ABCC3: variants seen among roughly 807,000 people sequenced by gnomAD.
The protein encoded by ABCC3 is ATP binding cassette subfamily C member 3.
ABCC3 carries 121 observed loss-of-function variants against 165.3 expected under a neutral mutation model. The ratio of observed to expected loss-of-function variants is 0.73; its 90% CI spans 0.63 to 0.85. The LOEUF is 0.85. Among genes scored for constraint, ABCC3 ranks in the 40% least tolerant of loss-of-function variants. The pLI, the probability that ABCC3 is intolerant of heterozygous loss-of-function variation, is 0.00. For synonymous variants in ABCC3, 733 were observed against 810.1 expected (o/e 0.90, Z 1.62); for missense variants, 1,869 against 1,964.1 (o/e 0.95, Z 0.92).
rs368086128 is a variant in ABCC3 at position 50,637,322 on chromosome 17, A to G, written c.45+2341A>G. 1.3e-3 allele frequency among the ~76,000 whole-genome samples: 195 copies of G among 152,132 alleles called. 1 individual carries two copies. The highest frequency in any genetic ancestry group is 4.3e-3 in the African/African-American group (180 of 41,486). On this transcript the variant is annotated intron_variant, in intron 1 of 30. Coordinates refer to ENST00000285238, the MANE Select transcript of ABCC3 (RefSeq NM_003786.4). ...CCTCTGAGGGAATGACAGGGTTTGT[A>G]CAGCTGAAAGGAGAGAGAGTCTACA... is the stretch of plus-strand genomic sequence containing the variant.
intron 1 of ABCC3, among the ~76,000 whole-genome samples, chr17:50,651,066 G>GTAAAAAAA (rs377148373): frequency 1.2e-5 from 1 of 84,284 alleles, no homozygotes; most frequent in African/African-American, 5.0e-5. Flanking sequence ...CTCCATCTCA[G>GTAAAAAAA]AAAAAAAAAA....
chr17:50,671,399 C>A (rs577544837), intron 17 of ABCC3, among the ~76,000 whole-genome samples: 1 of 152,288 alleles, frequency 6.6e-6, no homozygotes, highest in East Asian at 1.9e-4. Flanking sequence ...TTAAGCAACT[C>A]CTCATTCCCC....
intron 19 of ABCC3, among the ~76,000 whole-genome samples, chr17:50,673,900 TTTTCTTTCTTTCTTTC>T (rs1396264236): frequency 2.3e-5 from 3 of 131,514 alleles, no homozygotes; most frequent in African/African-American, 5.6e-5. Context: ...TCAGAGCCTG[TTTTCTTTCTTTCTTTC>T]TTTCTTTCTT....
At chr17:50,648,771 A>T (rs17642714) in intron 1 of ABCC3, among the ~76,000 whole-genome samples, 30,965 of 152,136 alleles carry the variant, frequency 0.2, 4,192 homozygotes, top group Non-Finnish European at 0.28. Flanking sequence ...CACACAGAGC[A>T]GCCAACTCTT....
intron 4 of ABCC3, among the ~76,000 whole-genome samples, chr17:50,657,676 G>T (rs1226062084): frequency 6.6e-6 from 1 of 152,108 alleles, no homozygotes; most frequent in Non-Finnish European, 1.5e-5. Flanking sequence ...CCATCTCAGC[G>T]GGAAGCAGGC....
At position 50,691,165 on chromosome 17, in the gene ABCC3, T is replaced by A; in HGVS notation, c.4549T>A (p.Phe1517Ile). The A allele has an allele frequency of 6.2e-7, 1 of 1,614,168 alleles. No homozygotes were observed. Among genetic ancestry groups the A allele is most frequent in the Admixed American group, 1.7e-5 (1 of 60,022 alleles). ...CAACCTCATTGCAGCTAGAGGCATC[T>A]TCTACGGGATGGCCAGAGATGCTGG... Reference protein sequence around the residue: ...PANLIAARGIFYGMARDAGLA With the variant: ...PANLIAARGIIYGMARDAGLA The change falls in exon 31 of 31, where the codon TTC (phenylalanine) becomes ATC (isoleucine). Residue 1517 changes from phenylalanine to isoleucine, a missense_variant. Transcript: ENST00000285238.
At chr17:50,639,287 G>A (rs1196446925) in intron 1 of ABCC3, among the ~76,000 whole-genome samples, 3 of 152,144 alleles carry the variant, frequency 2.0e-5, no homozygotes, top group Non-Finnish European at 2.9e-5. Context: ...TTCTGGCTAC[G>A]GCATTTCATT....
chr17:50,635,378 C>A, intron 1 of ABCC3: 1 of 661,116 alleles, frequency 1.5e-6, no homozygotes, highest in Non-Finnish European at 2.8e-6. Flanking sequence ...TCAGCATCTG[C>A]CTCAGGTTAG....
intron 1 of ABCC3, among the ~76,000 whole-genome samples, chr17:50,644,877 G>A (rs1332782021): frequency 3.9e-5 from 6 of 152,152 alleles, no homozygotes; most frequent in African/African-American, 1.4e-4. Context: ...AATTAGACGG[G>A]CATGGTGGCG....
chr17:50,649,571 A>C (rs1033558681), intron 1 of ABCC3, among the ~76,000 whole-genome samples: 4 of 133,278 alleles, frequency 3.0e-5, no homozygotes, highest in African/African-American at 1.1e-4. Flanking sequence ...TGACAGAGTG[A>C]GACTTTGTCA....
chr17:50,658,662 G>A, intron 6 of ABCC3, 166 bp downstream of exon 6: 1 of 761,774 alleles, frequency 1.3e-6, no homozygotes, highest in Non-Finnish European at 2.2e-6. Context: ...TCTGGGAGGG[G>A]GACCAAATGC....
intron 1 of ABCC3, among the ~76,000 whole-genome samples, chr17:50,642,975 G>T (rs1053757796): frequency 6.6e-6 from 1 of 152,244 alleles, no homozygotes; most frequent in Non-Finnish European, 1.5e-5. Flanking sequence ...GCCTAACAGT[G>T]CCCCTCCTAT....
At chr17:50,679,679 G>C (rs1343129266) in intron 25 of ABCC3, 119 bp from the exon 26 acceptor site, 1 of 922,082 alleles carries the variant, frequency 1.1e-6, no homozygotes, top group Non-Finnish European at 1.7e-6. Context: ...GCCCACCTGG[G>C]TCATCCATGG....
chr17:50,668,604 A>T (rs988930473), intron 14 of ABCC3, 87 bp downstream of exon 14: 2 of 1,114,324 alleles, frequency 1.8e-6, no homozygotes, highest in Non-Finnish European at 2.7e-6. Flanking sequence ...TTCTCTCCTG[A>T]CCCCTTTTCT....
chr17:50,675,259 C>T (rs1264274584), intron 19 of ABCC3, 103 bp from the exon 20 acceptor site: 9 of 699,484 alleles, frequency 1.3e-5, no homozygotes, highest in Non-Finnish European at 2.1e-5. Flanking sequence ...TATTTTCATG[C>T]TTGTCCATTG....
In ABCC3 at chr17:50,667,592, G is replaced by C. The variant is rs11568602; in HGVS notation, c.1470G>C (p.Leu490=). The part of the protein sequence containing the change: ...QMKLKDSRIK[L]MSEILNGIKV... ...AATTGAAGGACTCGCGCATCAAGCT[G>C]ATGAGTGAGATCCTGAACGGCATCA... is the stretch of plus-strand genomic sequence containing the variant. Residue 490 remains leucine, a synonymous_variant, in exon 12 of 31, where the codon CTG becomes CTC. Coordinates refer to ENST00000285238, the MANE Select transcript of ABCC3 (RefSeq NM_003786.4). 3,973 of 1,613,046 alleles carry C rather than the reference G, an allele frequency of 2.5e-3. 55 individuals are homozygous for C. In the African/African-American group the frequency reaches 0.035, roughly 14 times the overall value.
At position 50,638,413 on chromosome 17, in the gene ABCC3, G is replaced by A. The variant is rs569908847; in HGVS notation, c.45+3432G>A. ...GATGGCAAGGACCGCCTGAGAAGTAGTGAGCTCCCTGTCACTGGGGGGTAT... is the reference window on the plus strand; with the variant it reads ...GATGGCAAGGACCGCCTGAGAAGTAATGAGCTCCCTGTCACTGGGGGGTAT... On this transcript the variant is annotated intron_variant, in intron 1 of 30. Transcript: ENST00000285238. Among the ~76,000 whole-genome samples the A allele has an allele frequency of 1.2e-4, 19 of 152,354 alleles. No individual in the cohort carries two copies. The South Asian group carries it at 3.9e-3, about 32-fold the overall frequency.
intron 7 of ABCC3, among the ~76,000 whole-genome samples, chr17:50,659,755 CAGG>C (rs1399203157): frequency 1.3e-5 from 2 of 152,128 alleles, no homozygotes; most frequent in African/African-American, 4.8e-5. Context: ...GATGCCAAGG[CAGG>C]AGGATTGCTT....
chr17:50,644,310 CAA>C (rs57937379), intron 1 of ABCC3, among the ~76,000 whole-genome samples: 3 of 51,262 alleles, frequency 5.9e-5, no homozygotes, highest in African/African-American at 1.5e-4. Context: ...GACTCCGTCT[CAA>C]AAAAAAAAAA....
Sources: allele counts gnomAD v4.1 joint callset (sites outside exome capture counted in the v4.1 genomes callset), GRCh38; gene constraint gnomAD v4.1.1; transcripts MANE v1.5; gene names NCBI Gene and HGNC (gene_info 2026-07-23, HGNC 2026-07-21).